Variants in ANGPTL2 observed in about 807,000 individuals in gnomAD.
ANGPTL2 encodes angiopoietin like 2.
A neutral mutation model predicts 52.8 loss-of-function variants in ANGPTL2; 25 were observed. The observed-to-expected ratio is 0.47, with a 90% CI of 0.35 to 0.66. ANGPTL2 has a LOEUF of 0.66. ANGPTL2 is among the 30% of genes least tolerant of loss of function. The pLI is 0.01. For missense variants in ANGPTL2, 546 were observed against 656.9 expected (o/e 0.83, Z 1.84); for synonymous variants, 276 against 277.4 (o/e 1.00, Z 0.05).
Position 127,091,734 on chromosome 9 carries a change from G to A in ANGPTL2, c.1218C>T (p.Asp406=). 1 of 1,614,082 alleles carries A rather than the reference G, an allele frequency of 6.2e-7. No homozygotes were observed. The highest frequency in any genetic ancestry group is 1.1e-5 in the South Asian group (1 of 91,082). ...GCTTGCCGTTGTGCCATGTAAAGGA[G>A]TCACCCGCATTGCCATGGTAGCGCC... is the stretch of plus-strand genomic sequence containing the variant. ...RLGRYHGNAG[D]SFTWHNGKQF... is the part of the protein sequence containing the mutation. The change falls in exon 4 of 5, where the codon GAC becomes GAT. Residue 406 remains aspartate (D), a synonymous_variant. Coordinates refer to ENST00000373425, the MANE Select transcript of ANGPTL2 (RefSeq NM_012098.3). The surrounding 1 kb of genome is among the most constrained non-coding windows in gnomAD (Gnocchi z 4.3).
At chr9:127,090,063 G>C (rs2052280845) in intron 4 of ANGPTL2, among the ~76,000 whole-genome samples, 1 of 152,150 alleles carries the variant, frequency 6.6e-6, no homozygotes, top group Non-Finnish European at 1.5e-5. Context: ...GTGGAGCCAG[G>C]TTTTCCCAGA....
intron 2 of ANGPTL2, among the ~76,000 whole-genome samples, chr9:127,106,283 T>G (rs997667486): frequency 6.6e-6 from 1 of 152,152 alleles, no homozygotes; most frequent in African/African-American, 2.4e-5. Flanking sequence ...CGGTATTCTA[T>G]CAAGACAAAT....
intron 3 of ANGPTL2, among the ~76,000 whole-genome samples, chr9:127,093,347 C>G (rs911104351): frequency 6.6e-6 from 1 of 152,190 alleles, no homozygotes; most frequent in African/African-American, 2.4e-5. Context: ...TTGGGACTTG[C>G]GCCTTCTGGG....
At chr9:127,098,152 A>G (rs929117053) in intron 2 of ANGPTL2, among the ~76,000 whole-genome samples, 3 of 152,222 alleles carry the variant, frequency 2.0e-5, no homozygotes, top group Admixed American at 2.0e-4. Flanking sequence ...GATGTTTTCC[A>G]TGTATTTTTA....
At chr9:127,111,050 A>G (rs549536297) in intron 1 of ANGPTL2, among the ~76,000 whole-genome samples, 4 of 152,136 alleles carry the variant, frequency 2.6e-5, no homozygotes, top group East Asian at 3.9e-4. Context: ...AAGGCACTCT[A>G]TGATCTGGCC....
At chr9:127,100,912 A>G (rs1196290946) in intron 2 of ANGPTL2, among the ~76,000 whole-genome samples, 2 of 152,170 alleles carry the variant, frequency 1.3e-5, no homozygotes, top group Non-Finnish European at 2.9e-5. Flanking sequence ...ACTCTTTTCT[A>G]TAATTTTACT....
At chr9:127,096,181 G>C (rs562717295) in intron 2 of ANGPTL2, among the ~76,000 whole-genome samples, 5 of 152,334 alleles carry the variant, frequency 3.3e-5, no homozygotes, top group South Asian at 4.1e-4. Context: ...CCCAGGGAAG[G>C]GGAGGCTAGA....
At position 127,091,782 on chromosome 9, in the gene ANGPTL2, G is replaced by A. The variant is rs764780650; in HGVS notation, c.1170C>T (p.Ser390=). Residue 390 remains serine (S), a synonymous_variant, in exon 4 of 5, where the codon AGC becomes AGT. Transcript: ENST00000373425. This position sits in a 1 kb window ranked among gnomAD's most constrained non-coding sequence, Gnocchi z 4.3. ...EYASFRLEPE[S]EYYKLRLGRY... is the part of the protein sequence containing the mutation. ...GCCCCAGCCGCAGCTTATAATACTC[G>A]CTCTCAGGTTCCAGGCGGAAACTGG... 2.5e-6 allele frequency: 4 copies of A among 1,613,998 alleles called. No homozygotes were observed. The highest frequency in any genetic ancestry group is 1.3e-5 in the African/African-American group (1 of 74,898).
chr9:127,099,055 C>T (rs560722333), intron 2 of ANGPTL2, among the ~76,000 whole-genome samples: 4 of 152,334 alleles, frequency 2.6e-5, no homozygotes, highest in East Asian at 1.9e-4. Context: ...TTCTCTCTGA[C>T]GTGCCTGAGG....
chr9:127,088,851 TG>T lies in ANGPTL2; in HGVS notation c.*87del. On this transcript the variant is annotated 3_prime_UTR_variant, in exon 5 of 5. Coordinates refer to ENST00000373425, the MANE Select transcript of ANGPTL2 (RefSeq NM_012098.3). ...CGGTCCTCCCAGCCTCAGGATGAAC[TG>T]GTGAGGAGTTGTTCTTTGTGCTGTG... is the stretch of plus-strand genomic sequence containing the variant. 6.8e-7 allele frequency: 1 copy of T among 1,464,160 alleles called. No homozygotes were observed. Among genetic ancestry groups the T allele is most frequent in the Non-Finnish European group, 9.5e-7 (1 of 1,052,390 alleles). The allele number at this position is 1,464,160 out of a possible 1,614,324, so 90.7% of individuals were successfully genotyped here.
In ANGPTL2 at chr9:127,093,792, C is replaced by T. The variant is rs144644108; in HGVS notation, c.952G>A (p.Val318Ile). The T allele has an allele frequency of 6.6e-5, 107 of 1,613,960 alleles. No individual in the cohort carries two copies. Among genetic ancestry groups the T allele is most frequent in the Middle Eastern group, 3.3e-4 (2 of 6,084 alleles). ...DQRHDPGGWT[V>I]IQRRLDGSVN... ...GAGCCATCCAGGCGTCTCTGGATGACGGTCCAGCCCCCGGGGTCGTGTCTC... is the reference window on the plus strand; with the variant it reads ...GAGCCATCCAGGCGTCTCTGGATGATGGTCCAGCCCCCGGGGTCGTGTCTC... Residue 318 changes from valine (V) to isoleucine (I), a missense_variant, in exon 3 of 5, where the codon GTC becomes ATC. Val to Ile is a conservative substitution (Grantham distance 29). Transcript: ENST00000373425.
intron 2 of ANGPTL2, among the ~76,000 whole-genome samples, chr9:127,104,415 C>A (rs977209903): frequency 2.6e-5 from 4 of 152,216 alleles, no homozygotes; most frequent in Non-Finnish European, 5.9e-5. Context: ...TAGAGAATGA[C>A]CCCTGGAGCC....
In ANGPTL2 at chr9:127,122,430, C is replaced by T. The variant is rs2056213164; in HGVS notation, c.-165G>A. On this transcript the variant is annotated 5_prime_UTR_variant, in exon 1 of 5. Transcript: ENST00000373425. The surrounding 1 kb of genome is among the most constrained non-coding windows in gnomAD (Gnocchi z 6.4). ...TCCTGAGTTGCAGGCCGGTGGCTGC[C>T]AAGCAGCCCTGCCTCACTGGGCTCC... is the stretch of plus-strand genomic sequence containing the variant. 6.6e-6 allele frequency: 1 copy of T among 152,602 alleles called. No individual in the cohort carries two copies. Among genetic ancestry groups the T allele is most frequent in the South Asian group, 2.1e-4 (1 of 4,838 alleles). 9.5% of individuals were successfully genotyped at this position (152,602 alleles called of 1,614,324 possible). A position where few individuals can be genotyped will look rare whatever the true frequency, so the allele number is the denominator to read the frequency against.
chr9:127,116,342 T>A (rs893626271), intron 1 of ANGPTL2, among the ~76,000 whole-genome samples: 7 of 149,434 alleles, frequency 4.7e-5, no homozygotes, highest in African/African-American at 1.5e-4. Context: ...GGTTAGGGAG[T>A]GGGGGAGCTG....
In ANGPTL2 at chr9:127,122,279, CCCCTGCCTCTCAT is replaced by C. The variant is rs1186713570; in HGVS notation, c.-50+23_-50+35del. On this transcript the variant is annotated intron_variant, in intron 1 of 4. Coordinates refer to ENST00000373425, the MANE Select transcript of ANGPTL2 (RefSeq NM_012098.3). The surrounding 1 kb of genome is among the most constrained non-coding windows in gnomAD (Gnocchi z 6.4). Reference sequence around the variant, plus strand: ...CCACGGGGCCAGCGGCTGCCTCTCGCCCCTGCCTCTCATGGCCGCAGAGCTGGCCCCTTACCTC... The same window carrying C: ...CCACGGGGCCAGCGGCTGCCTCTCGCGGCCGCAGAGCTGGCCCCTTACCTC... 1.3e-5 allele frequency: 2 copies of C among 152,378 alleles called. No individual in the cohort carries two copies. The highest frequency in any genetic ancestry group is 2.9e-5 in the Non-Finnish European group (2 of 68,172). 9.4% of individuals were successfully genotyped at this position (152,378 alleles called of 1,614,324 possible).
At chr9:127,111,225 A>C (rs1341909971) in intron 1 of ANGPTL2, among the ~76,000 whole-genome samples, 2 of 151,624 alleles carry the variant, frequency 1.3e-5, no homozygotes, top group Non-Finnish European at 2.9e-5. Flanking sequence ...TTGTTCCCTT[A>C]CCTCTTTCAA....
chr9:127,110,061 T>G (rs1305790270), intron 1 of ANGPTL2, among the ~76,000 whole-genome samples: 2 of 152,140 alleles, frequency 1.3e-5, no homozygotes, highest in Non-Finnish European at 1.5e-5. Context: ...TGACCTCACA[T>G]CCCCTCTGCA....
chr9:127,114,576 T>G (rs941064088), intron 1 of ANGPTL2, among the ~76,000 whole-genome samples: 2 of 152,188 alleles, frequency 1.3e-5, no homozygotes, highest in Non-Finnish European at 2.9e-5. Flanking sequence ...AGGAGTTGAT[T>G]CATCATCAGT....
intron 1 of ANGPTL2, among the ~76,000 whole-genome samples, chr9:127,118,117 C>T (rs1025274114): frequency 2.0e-5 from 3 of 152,142 alleles, no homozygotes. Context: ...TGCAGTGGCG[C>T]GATCTCAGCT....
Sources: gnomAD v4.1 joint callset for allele counts (sites outside exome capture counted in the v4.1 genomes callset) on GRCh38, gnomAD v4.1.1 for gene constraint, Gnocchi (gnomAD v3.1) non-coding constraint, MANE v1.5 for transcripts, NCBI Gene and HGNC (gene_info 2026-07-23, HGNC 2026-07-21) for gene names.